ZMIZ1: variants seen among roughly 807,000 people sequenced by gnomAD.
ZMIZ1 encodes the protein zinc finger MIZ domain-containing protein 1.
A neutral mutation model predicts 113.9 loss-of-function variants in ZMIZ1; 17 were observed. The ratio of observed to expected loss-of-function variants is 0.15; its 90% CI spans 0.10 to 0.22. The LOEUF is 0.22. Among genes scored for constraint, ZMIZ1 ranks in the 10% least tolerant of loss-of-function variants. ZMIZ1 has a pLI of 1.00. For missense variants in ZMIZ1, 1,059 were observed against 1,477.8 expected (o/e 0.72, Z 4.65); for synonymous variants, 607 against 603.1 (o/e 1.01, Z -0.09).
chr10:79,148,043 A>G (rs147582277), intron 3 of ZMIZ1, among the ~76,000 whole-genome samples: 1 of 152,304 alleles, frequency 6.6e-6, no homozygotes, highest in African/African-American at 2.4e-5. Flanking sequence ...GGGGGCCTGG[A>G]GGAGGAGGGC....
intron 3 of ZMIZ1, among the ~76,000 whole-genome samples, chr10:79,152,563 G>A (rs544681501): frequency 3.9e-5 from 6 of 152,342 alleles, no homozygotes; most frequent in South Asian, 4.1e-4. Flanking sequence ...TCTCCGGGGC[G>A]GGGCCTGCGG....
intron 10 of ZMIZ1, among the ~76,000 whole-genome samples, chr10:79,291,513 A>G (rs1224742073): frequency 1.3e-5 from 2 of 152,296 alleles, no homozygotes; most frequent in African/African-American, 2.4e-5. Context: ...AAAGTCGAAG[A>G]GCAGGTATAG....
intron 14 of ZMIZ1, 41 bp from the exon 15 acceptor site, chr10:79,298,365 C>A (rs371053882): frequency 1.3e-6 from 2 of 1,588,582 alleles, no homozygotes; most frequent in East Asian, 4.6e-5. Flanking sequence ...CTTCTGTCTC[C>A]GTAATCCCAT....
At chr10:79,268,443 G>A (rs756281837) in intron 7 of ZMIZ1, among the ~76,000 whole-genome samples, 4 of 152,222 alleles carry the variant, frequency 2.6e-5, no homozygotes, top group East Asian at 3.8e-4. Context: ...GCCGCTGAGC[G>A]CCTGGTCACA....
chr10:79,313,033 A>AC lies in ZMIZ1; in HGVS notation c.*286dup, dbSNP rs909563645. 23 of 451,122 alleles carry AC rather than the reference A, an allele frequency of 5.1e-5. No homozygotes were observed. Among genetic ancestry groups the AC allele is most frequent in the Admixed American group, 8.0e-5 (2 of 25,096 alleles). The allele number at this position is 451,122 out of a possible 1,614,324, so 27.9% of individuals were successfully genotyped here. A position where few individuals can be genotyped will look rare whatever the true frequency, so the allele number is the denominator to read the frequency against. On this transcript the variant is annotated 3_prime_UTR_variant, in exon 25 of 25. Coordinates refer to ENST00000334512, the MANE Select transcript of ZMIZ1 (RefSeq NM_020338.4). ...CCTGAAGACCACCCTCCCGAGAGGA[A>AC]CCAGCCCGGTAAGAGGGCACACGCT...
chr10:79,131,293 A>G (rs1844755225), intron 2 of ZMIZ1, among the ~76,000 whole-genome samples: 1 of 151,952 alleles, frequency 6.6e-6, no homozygotes, highest in Non-Finnish European at 1.5e-5. Context: ...TACTCTGTGC[A>G]GGAGAACAGC....
intron 1 of ZMIZ1, among the ~76,000 whole-genome samples, chr10:79,116,120 C>T (rs1240882421): frequency 6.6e-6 from 1 of 152,068 alleles, no homozygotes; most frequent in Non-Finnish European, 1.5e-5. Flanking sequence ...TAGCCCCTTA[C>T]TGCACCCCCG....
At chr10:79,142,210 C>T (rs747361682) in intron 3 of ZMIZ1, among the ~76,000 whole-genome samples, 2 of 152,102 alleles carry the variant, frequency 1.3e-5, no homozygotes, top group East Asian at 1.9e-4. Context: ...GCCTTTGAGA[C>T]GTTCAAGTGG....
At chr10:79,248,764 T>G (rs946855643) in intron 7 of ZMIZ1, among the ~76,000 whole-genome samples, 4 of 152,186 alleles carry the variant, frequency 2.6e-5, no homozygotes, top group African/African-American at 9.7e-5. Flanking sequence ...CAGTCCTGTT[T>G]GTGGAGTCTC....
chr10:79,305,335 C>G (rs921925657), intron 20 of ZMIZ1, 104 bp downstream of exon 20: 268 of 1,388,760 alleles, frequency 1.9e-4, no homozygotes, highest in Non-Finnish European at 2.4e-4. Context: ...AAACCAGAAC[C>G]CAAACATGGC....
intron 3 of ZMIZ1, among the ~76,000 whole-genome samples, chr10:79,146,632 C>T (rs139970013): frequency 0.013 from 1,947 of 152,350 alleles, 40 homozygotes; most frequent in African/African-American, 0.044. Flanking sequence ...AGTCAGGGAA[C>T]GGCTGGGTGG....
chr10:79,287,791 C>G (rs1564584158), intron 8 of ZMIZ1, among the ~76,000 whole-genome samples: 1 of 152,120 alleles, frequency 6.6e-6, no homozygotes, highest in Non-Finnish European at 1.5e-5. Flanking sequence ...CATCTGATGC[C>G]CATTTTACAG....
At chr10:79,289,701 G>A in intron 8 of ZMIZ1, 74 bp from the exon 9 acceptor site, 3 of 1,384,438 alleles carry the variant, frequency 2.2e-6, no homozygotes, top group Non-Finnish European at 3.1e-6. Flanking sequence ...GTCACTTGGT[G>A]GGGTGATGGG....
chr10:79,122,491 C>T (rs1042811515), intron 2 of ZMIZ1, among the ~76,000 whole-genome samples: 2 of 152,128 alleles, frequency 1.3e-5, no homozygotes, highest in African/African-American at 4.8e-5. Context: ...GTTTTATTTG[C>T]AGAGCCTCCT....
chr10:79,283,552 C>T (rs1482046939), intron 8 of ZMIZ1, among the ~76,000 whole-genome samples: 1 of 152,222 alleles, frequency 6.6e-6, no homozygotes, highest in African/African-American at 2.4e-5. Context: ...ATCACACCAT[C>T]TCCACAGCTG....
intron 1 of ZMIZ1, among the ~76,000 whole-genome samples, chr10:79,070,496 C>A (rs1311363167): frequency 2.1e-5 from 3 of 140,628 alleles, no homozygotes; most frequent in Non-Finnish European, 4.7e-5. Flanking sequence ...ACAACCCGGG[C>A]GGGAGGGCGG....
chr10:79,258,196 A>G (rs1589505438), intron 7 of ZMIZ1, among the ~76,000 whole-genome samples: 1 of 152,174 alleles, frequency 6.6e-6, no homozygotes, highest in East Asian at 1.9e-4. Context: ...AGCTTGGGCA[A>G]CATGGCGAGG....
rs1844160707 is a variant in ZMIZ1, at chr10:79,118,693, C to T, written c.-336-222C>T. On this transcript the variant is annotated intron_variant, in intron 1 of 24. Transcript: ENST00000334512. The surrounding 1 kb of genome is among the most constrained non-coding windows in gnomAD (Gnocchi z 4.1). Reference sequence around the variant, plus strand: ...TGGTCTGGCTTTCAGGGCTGCGGGGCTGCTCGGCCGGTGCTGGGGCTTCGA... The same window carrying T: ...TGGTCTGGCTTTCAGGGCTGCGGGGTTGCTCGGCCGGTGCTGGGGCTTCGA... Among the ~76,000 whole-genome samples, 1 of 152,190 alleles carries T rather than the reference C, an allele frequency of 6.6e-6. No individual in the cohort carries two copies. Among genetic ancestry groups the T allele is most frequent in the Admixed American group, 6.5e-5 (1 of 15,284 alleles).
At chr10:79,311,304 G>GGGGGGGGGGC in intron 24 of ZMIZ1, 120 bp downstream of exon 24, 17 of 359,152 alleles carry the variant, frequency 4.7e-5, no homozygotes, top group East Asian at 2.3e-4. Context: ...TGGGCGGTGG[G>GGGGGGGGGGC]AGGGCTTCAC....
Sources: allele counts gnomAD v4.1 joint callset (sites outside exome capture counted in the v4.1 genomes callset), GRCh38; gene constraint gnomAD v4.1.1; non-coding constraint Gnocchi (gnomAD v3.1); transcripts MANE v1.5; gene names NCBI Gene and HGNC (gene_info 2026-07-23, HGNC 2026-07-21).